The following YEATS2 variants were observed in gnomAD, a reference collection of about 807,000 sequenced individuals.
YEATS2 encodes the protein YEATS domain containing 2.
A neutral mutation model predicts 163.2 loss-of-function variants in YEATS2; 77 were observed. The observed-to-expected ratio is 0.47, with a 90% CI of 0.39 to 0.57. The LOEUF is 0.57. Among genes scored for constraint, YEATS2 ranks in the 20% least tolerant of loss-of-function variants. The pLI, the probability that YEATS2 is intolerant of heterozygous loss-of-function variation, is 0.00. For missense variants in YEATS2, 1,549 were observed against 1,729.8 expected (o/e 0.90, Z 1.85); for synonymous variants, 631 against 645.1 (o/e 0.98, Z 0.33).
At chr3:183,730,051 T>TG (rs1560244240) in intron 7 of YEATS2, among the ~76,000 whole-genome samples, 2 of 68,626 alleles carry the variant, frequency 2.9e-5, no homozygotes, top group South Asian at 5.9e-4. Flanking sequence ...GTTTTTTGTT[T>TG]GTTTTTTTTT....
chr3:183,801,556 T>G (rs1237442818), intron 25 of YEATS2, 28 bp downstream of exon 25: 1 of 1,543,634 alleles, frequency 6.5e-7, no homozygotes, highest in Non-Finnish European at 8.8e-7. Flanking sequence ...AATATAGGGG[T>G]GCATTTTTGA....
chr3:183,705,772 G>A (rs1714553531), intron 1 of YEATS2, among the ~76,000 whole-genome samples: 1 of 152,164 alleles, frequency 6.6e-6, no homozygotes, highest in Non-Finnish European at 1.5e-5. Context: ...GGGCGCAGTG[G>A]CTCACGCCTC....
intron 15 of YEATS2, among the ~76,000 whole-genome samples, chr3:183,766,226 C>T (rs1249893475): frequency 6.6e-6 from 1 of 152,164 alleles, no homozygotes; most frequent in Non-Finnish European, 1.5e-5. Context: ...TGTGCAGGTT[C>T]TGAGCCCTGG....
chr3:183,749,698 A>G (rs975122614), intron 9 of YEATS2, among the ~76,000 whole-genome samples: 8 of 152,252 alleles, frequency 5.3e-5, no homozygotes, highest in Admixed American at 2.6e-4. Context: ...CTGGAGTGCA[A>G]TCACGGCTCA....
At chr3:183,800,142 T>C (rs1725535323) in intron 23 of YEATS2, among the ~76,000 whole-genome samples, 1 of 152,150 alleles carries the variant, frequency 6.6e-6, no homozygotes, top group Admixed American at 6.5e-5. Flanking sequence ...CAGAGTAGCA[T>C]TGTTAAATCA....
At chr3:183,774,589 A>AGTTTATC (rs1722786689) in intron 17 of YEATS2, among the ~76,000 whole-genome samples, 1 of 152,220 alleles carries the variant, frequency 6.6e-6, no homozygotes, top group Non-Finnish European at 1.5e-5. Context: ...TTAAAGCCCC[A>AGTTTATC]TGGAAATGAG....
Position 183,798,068 on chromosome 3 carries a change from C to T in YEATS2, c.3226+17C>T, listed in dbSNP as rs374849771. ...TGAATAAAGGTGAGTCCCTTGCCCA[C>T]GGGTCGTCTGTGCTGTGGCTGCCTC... On this transcript the variant is annotated intron_variant, in intron 22 of 30. Transcript: ENST00000305135. The T allele has an allele frequency of 6.9e-5, 111 of 1,612,376 alleles. 1 individual carries two copies. Among genetic ancestry groups the T allele is most frequent in the South Asian group, 4.0e-4 (36 of 90,988 alleles).
At chr3:183,729,988 C>CCTTATTCTT (rs1170839385) in intron 7 of YEATS2, among the ~76,000 whole-genome samples, 1 of 147,182 alleles carries the variant, frequency 6.8e-6, no homozygotes, top group Non-Finnish European at 1.5e-5. Flanking sequence ...CCATGCCCGG[C>CCTTATTCTT]CTTATTCTTT....
Position 183,774,811 on chromosome 3 carries a change from G to C in YEATS2, c.2368+1017G>C, listed in dbSNP as rs73175340. Among the ~76,000 whole-genome samples, 149 of 152,308 alleles carry C rather than the reference G, an allele frequency of 9.8e-4. 1 individual carries two copies. The highest frequency in any genetic ancestry group is 1.7e-3 in the Non-Finnish European group (116 of 68,032). On this transcript the variant is annotated intron_variant, in intron 17 of 30. Coordinates refer to ENST00000305135, the MANE Select transcript of YEATS2 (RefSeq NM_018023.5). ...TGCGTTCATTGACCATGATGTGTCA[G>C]TTCCACTCTCACTTGGTGTTTTTTC...
At chr3:183,795,644 G>T (rs1286067168) in intron 21 of YEATS2, among the ~76,000 whole-genome samples, 1 of 151,836 alleles carries the variant, frequency 6.6e-6, no homozygotes, top group Non-Finnish European at 1.5e-5. Context: ...TTAATAAAAA[G>T]AACCGACAGG....
intron 7 of YEATS2, among the ~76,000 whole-genome samples, chr3:183,733,000 A>G (rs1717965406): frequency 6.6e-6 from 1 of 152,120 alleles, no homozygotes; most frequent in Admixed American, 6.5e-5. Flanking sequence ...AGCTAGGACT[A>G]TAGGCGTGTG....
intron 26 of YEATS2, chr3:183,803,645 G>A (rs760243425): frequency 2.0e-5 from 10 of 491,912 alleles, no homozygotes; most frequent in Non-Finnish European, 3.3e-5. Flanking sequence ...GGGGTAGGAG[G>A]GGAGTGGGAG....
intron 20 of YEATS2, among the ~76,000 whole-genome samples, chr3:183,787,492 G>A (rs184424409): frequency 3.4e-4 from 51 of 151,710 alleles, no homozygotes; most frequent in Non-Finnish European, 5.3e-4. Context: ...CGTATTTATT[G>A]GCTATTTGTA....
At chr3:183,763,800 C>A (rs998154518) in intron 15 of YEATS2, among the ~76,000 whole-genome samples, 1 of 152,020 alleles carries the variant, frequency 6.6e-6, no homozygotes, top group African/African-American at 2.4e-5. Flanking sequence ...CATGGTGGCT[C>A]ACACCTGTGA....
intron 25 of YEATS2, 40 bp downstream of exon 25, chr3:183,801,568 A>G: frequency 6.7e-7 from 1 of 1,489,742 alleles, no homozygotes; most frequent in Non-Finnish European, 9.2e-7. Context: ...CATTTTTGAA[A>G]GCTGTGAACT....
rs756230034 is a variant in YEATS2, at chr3:183,758,876, A to C, written c.1567A>C (p.Lys523Gln). ...TTPSTGSPTN[K>Q]ISTASQVSQG... ...TTGCTTATCAGGAAGTCCTACAAAC[A>C]AGATCTCCACGGCTTCTCAGGTCTC... Residue 523 changes from lysine (K) to glutamine (Q), a missense_variant, in exon 13 of 31, where the codon AAG becomes CAG. Transcript: ENST00000305135. 71 of 1,591,294 alleles carry C rather than the reference A, an allele frequency of 4.5e-5. 1 individual carries two copies. Among genetic ancestry groups the C allele is most frequent in the Non-Finnish European group, 4.9e-5 (57 of 1,172,440 alleles).
At chr3:183,748,281 G>A (rs1412164405) in intron 9 of YEATS2, among the ~76,000 whole-genome samples, 1 of 139,120 alleles carries the variant, frequency 7.2e-6, no homozygotes, top group Admixed American at 7.3e-5. Flanking sequence ...TTGAGAGGGA[G>A]TGACGCTCTG....
At chr3:183,762,698 C>CTT (rs111469866) in intron 15 of YEATS2, among the ~76,000 whole-genome samples, 8 of 143,714 alleles carry the variant, frequency 5.6e-5, no homozygotes, top group Admixed American at 2.1e-4. Flanking sequence ...CTGTAGAGTT[C>CTT]TTTTTTTTTT....
intron 1 of YEATS2, among the ~76,000 whole-genome samples, chr3:183,708,125 T>C (rs1714809334): frequency 6.6e-6 from 1 of 151,608 alleles, no homozygotes; most frequent in Non-Finnish European, 1.5e-5. Context: ...GTCTAATTTA[T>C]CAGATTTTAC....
Sources: allele counts gnomAD v4.1 joint callset (sites outside exome capture counted in the v4.1 genomes callset), GRCh38; gene constraint gnomAD v4.1.1; transcripts MANE v1.5; gene names NCBI Gene and HGNC (gene_info 2026-07-23, HGNC 2026-07-21).